The following SNX29 variants were observed in gnomAD, a reference collection of about 807,000 sequenced individuals.
The protein encoded by SNX29 is sorting nexin 29.
Under a neutral mutation model 102.1 loss-of-function variants are expected in SNX29, and 78 were observed. The observed-to-expected ratio is 0.76, with a 90% CI of 0.64 to 0.92. The LOEUF (loss-of-function observed/expected upper bound fraction) is 0.92, where lower values mean the gene tolerates loss of function less well. Among genes scored for constraint, SNX29 ranks in the 40% least tolerant of loss-of-function variants. The pLI is 0.00. For missense variants in SNX29, 1,280 were observed against 1,061.7 expected (o/e 1.21, Z -2.86); for synonymous variants, 580 against 414.5 (o/e 1.40, Z -4.85).
intron 19 of SNX29, among the ~76,000 whole-genome samples, chr16:12,490,444 T>C (rs2088489608): frequency 6.6e-6 from 1 of 152,258 alleles, no homozygotes; most frequent in African/African-American, 2.4e-5. Flanking sequence ...ATTTATCTTT[T>C]ACTATTAATG....
At chr16:12,220,250 G>A (rs1406701765) in intron 14 of SNX29, among the ~76,000 whole-genome samples, 4 of 145,628 alleles carry the variant, frequency 2.7e-5, no homozygotes, top group East Asian at 4.1e-4. Flanking sequence ...ATCACTTTTT[G>A]TGTTGGTTCT....
chr16:12,209,702 G>A (rs548022942), intron 14 of SNX29, among the ~76,000 whole-genome samples: 1 of 152,300 alleles, frequency 6.6e-6, no homozygotes, highest in Admixed American at 6.5e-5. Flanking sequence ...GACCAGCAGT[G>A]GCCCCAACTG....
intron 13 of SNX29, among the ~76,000 whole-genome samples, chr16:12,164,089 GGT>G (rs983837448): frequency 6.6e-6 from 1 of 152,024 alleles, no homozygotes; most frequent in Non-Finnish European, 1.5e-5. Context: ...TTGGAGGTGC[GGT>G]GTGTGTGTAG....
At chr16:12,074,744 A>T (rs1474500230) in intron 10 of SNX29, among the ~76,000 whole-genome samples, 1 of 152,166 alleles carries the variant, frequency 6.6e-6, no homozygotes, top group Non-Finnish European at 1.5e-5. Context: ...CTCCTGGATA[A>T]TATCCTGTAG....
intron 16 of SNX29, among the ~76,000 whole-genome samples, chr16:12,364,868 T>A (rs547402839): frequency 5.9e-5 from 9 of 152,184 alleles, no homozygotes; most frequent in Non-Finnish European, 1.0e-4. Context: ...TGCTGTCGGC[T>A]CCTTCCCCAC....
At chr16:12,556,898 C>T (rs562112172) in intron 20 of SNX29, among the ~76,000 whole-genome samples, 3 of 151,752 alleles carry the variant, frequency 2.0e-5, no homozygotes, top group African/African-American at 7.3e-5. Context: ...TGTCTCCTCA[C>T]CTTGAGTGTA....
chr16:12,540,309 C>A (rs1044799158), intron 20 of SNX29, among the ~76,000 whole-genome samples: 1 of 152,136 alleles, frequency 6.6e-6, no homozygotes, highest in African/African-American at 2.4e-5. Flanking sequence ...GTGGCCCCAC[C>A]CTCTTGGGAC....
rs1275285101 is a variant in SNX29 at position 12,129,622 on chromosome 16, C to A, written c.1467-8C>A. ...AGCTTCTGAACAGATGGGTCCCTCT[C>A]TTCCCAGATCACTGCGAAACCTGCT... On this transcript the variant is annotated splice_polypyrimidine_tract_variant and splice_region_variant and intron_variant, in intron 12 of 20. Transcript: ENST00000566228. 2.5e-6 allele frequency: 4 copies of A among 1,605,728 alleles called. No individual in the cohort carries two copies. Among genetic ancestry groups the A allele is most frequent in the Non-Finnish European group, 3.4e-6 (4 of 1,176,192 alleles).
At chr16:11,988,467 T>C (rs2055719240) in intron 1 of SNX29, among the ~76,000 whole-genome samples, 1 of 152,162 alleles carries the variant, frequency 6.6e-6, no homozygotes, top group Admixed American at 6.6e-5. Flanking sequence ...GTGTCATCAG[T>C]GCTCACTGCA....
intron 18 of SNX29, among the ~76,000 whole-genome samples, chr16:12,472,556 GAAAA>G (rs939192128): frequency 1.6e-5 from 2 of 125,440 alleles, no homozygotes; most frequent in African/African-American, 6.0e-5. Flanking sequence ...AAAAAAAAAA[GAAAA>G]AAACAGGGAG....
chr16:12,222,346 G>A (rs1379648106), intron 14 of SNX29, among the ~76,000 whole-genome samples: 1 of 152,198 alleles, frequency 6.6e-6, no homozygotes, highest in Non-Finnish European at 1.5e-5. Context: ...ATTGATGTCA[G>A]CCCATCCTCT....
At chr16:12,281,685 A>G (rs1375487877) in intron 15 of SNX29, among the ~76,000 whole-genome samples, 3 of 152,108 alleles carry the variant, frequency 2.0e-5, no homozygotes, top group Non-Finnish European at 2.9e-5. Flanking sequence ...TCCTGAGAAG[A>G]GTTCTTTGAG....
At chr16:12,320,605 C>G (rs565099700) in intron 15 of SNX29, among the ~76,000 whole-genome samples, 34 of 152,244 alleles carry the variant, frequency 2.2e-4, no homozygotes, top group African/African-American at 7.9e-4. Flanking sequence ...CCTCACTCAT[C>G]CCTTCTAGAA....
chr16:11,981,189 C>T (rs111518155), intron 1 of SNX29, among the ~76,000 whole-genome samples: 12,704 of 152,106 alleles, frequency 0.084, 737 homozygotes, highest in Non-Finnish European at 0.13. Flanking sequence ...GGGCTGGTCT[C>T]GAACTCCTGG....
intron 13 of SNX29, among the ~76,000 whole-genome samples, chr16:12,181,611 C>A (rs1359664970): frequency 6.6e-6 from 1 of 151,922 alleles, no homozygotes; most frequent in East Asian, 1.9e-4. Context: ...CTTTTCCTTT[C>A]ACTTTCCTTC....
At chr16:12,237,215 A>G (rs2077962732) in intron 14 of SNX29, among the ~76,000 whole-genome samples, 1 of 152,190 alleles carries the variant, frequency 6.6e-6, no homozygotes. Flanking sequence ...CACCCCCACC[A>G]GCATAAAACA....
intron 13 of SNX29, among the ~76,000 whole-genome samples, chr16:12,140,171 T>C (rs190881623): frequency 1.3e-5 from 2 of 152,204 alleles, no homozygotes; most frequent in East Asian, 3.9e-4. Context: ...ACGCATATCA[T>C]GCAGTCCCCA....
intron 18 of SNX29, among the ~76,000 whole-genome samples, chr16:12,421,896 C>T (rs997387077): frequency 5.3e-5 from 7 of 131,212 alleles, no homozygotes; most frequent in Non-Finnish European, 5.4e-5. Flanking sequence ...ACCAGCCGTC[C>T]ATCACCATCA....
chr16:12,088,788 A>G (rs1365451128), intron 11 of SNX29, among the ~76,000 whole-genome samples: 2 of 151,960 alleles, frequency 1.3e-5, no homozygotes, highest in Non-Finnish European at 2.9e-5. Context: ...TCTACAAATA[A>G]AAACATTTAA....
Sources: allele counts gnomAD v4.1 joint callset (sites outside exome capture counted in the v4.1 genomes callset), GRCh38; gene constraint gnomAD v4.1.1; transcripts MANE v1.5; gene names NCBI Gene and HGNC (gene_info 2026-07-23, HGNC 2026-07-21).